TGFBR3: variants seen among roughly 807,000 people sequenced by gnomAD.
TGFBR3 encodes transforming growth factor beta receptor 3.
TGFBR3 carries 46 observed loss-of-function variants against 87.9 expected under a neutral mutation model. The ratio of observed to expected loss-of-function variants is 0.52; its 90% CI spans 0.41 to 0.67. The LOEUF (loss-of-function observed/expected upper bound fraction) is 0.67. TGFBR3 is among the 30% of genes least tolerant of loss of function. TGFBR3 has a pLI of 0.00. For missense variants in TGFBR3, 866 were observed against 1,041.9 expected, an observed-to-expected ratio of 0.83 and a Z score of 2.32; for synonymous variants, 381 against 391.6, an observed-to-expected ratio of 0.97 and a Z score of 0.32.
At chr1:91,889,873 G>T (rs1679410017), upstream of TGFBR3, among the ~76,000 whole-genome samples, 1 of 151,948 alleles carries the variant, frequency 6.6e-6, no homozygotes, top group Non-Finnish European at 1.5e-5. Flanking sequence ...TAGAGACAGG[G>T]TTTTGCCATA....
At chr1:91,902,988 G>A (rs1477990153) in intron 1 of TGFBR3, among the ~76,000 whole-genome samples, 1 of 148,028 alleles carries the variant, frequency 6.8e-6, no homozygotes, top group East Asian at 2.0e-4. Flanking sequence ...AAAAAGGAGT[G>A]ACTCCCAAGT....
intron 12 of TGFBR3, 115 bp downstream of exon 12, chr1:91,716,121 T>G (rs2029355): frequency 0.23 from 291,552 of 1,267,116 alleles, 35,747 homozygotes; most frequent in South Asian, 0.32. Context: ...ATCAGACCTG[T>G]TGAAGGTCTG....
upstream of TGFBR3, among the ~76,000 whole-genome samples, chr1:91,889,132 G>A (rs12073180): frequency 0.46 from 69,592 of 151,856 alleles, 16,214 homozygotes; most frequent in Non-Finnish European, 0.51. Context: ...TGATCCACCC[G>A]CCTTGGCCTC....
intron 3 of TGFBR3, among the ~76,000 whole-genome samples, chr1:91,774,651 C>T (rs1386351693): frequency 6.6e-6 from 1 of 152,192 alleles, no homozygotes; most frequent in Admixed American, 6.5e-5. Context: ...AACCCTACAT[C>T]ACTAGTCTGA....
At chr1:91,885,278 A>G (rs1679248883) in intron 1 of TGFBR3, among the ~76,000 whole-genome samples, 1 of 151,130 alleles carries the variant, frequency 6.6e-6, no homozygotes, top group Admixed American at 6.7e-5. Flanking sequence ...GTCTGCAAGC[A>G]GATTCTTCTA....
intron 2 of TGFBR3, among the ~76,000 whole-genome samples, chr1:91,803,520 C>A (rs1238961979): frequency 6.7e-6 from 1 of 150,354 alleles, no homozygotes; most frequent in South Asian, 2.1e-4. Flanking sequence ...CATGGAGCCA[C>A]GGGATCAGCT....
chr1:91,723,759 G>C (rs916771219), intron 7 of TGFBR3, among the ~76,000 whole-genome samples: 4 of 152,138 alleles, frequency 2.6e-5, no homozygotes, highest in Non-Finnish European at 5.9e-5. Flanking sequence ...AGCCCTTCCA[G>C]CATGCAGATT....
chr1:91,681,316 AG>A lies in TGFBR3; in HGVS notation c.*2422del. On this transcript the variant is annotated 3_prime_UTR_variant, in exon 17 of 17. Coordinates refer to ENST00000212355, the MANE Select transcript of TGFBR3 (RefSeq NM_003243.5). ...GACATTCACTCTCCAATATGAGATT[AG>A]GTTTTATCGACACAGATTTCTTGAT... 2.2e-6 allele frequency: 1 copy of A among 445,444 alleles called. No homozygotes were observed. Among genetic ancestry groups the A allele is most frequent in the Non-Finnish European group, 4.5e-6 (1 of 224,564 alleles). 27.6% of individuals were successfully genotyped at this position (445,444 alleles called of 1,614,324 possible).
At chr1:91,776,663 T>C (rs1674577157) in intron 3 of TGFBR3, among the ~76,000 whole-genome samples, 1 of 152,152 alleles carries the variant, frequency 6.6e-6, no homozygotes. Context: ...GTAGTGCCAT[T>C]ACCTCCTGCC....
At chr1:91,727,583 A>T in intron 7 of TGFBR3, 76 bp downstream of exon 7, 1 of 1,590,762 alleles carries the variant, frequency 6.3e-7, no homozygotes, top group Non-Finnish European at 8.6e-7. Context: ...GAACTTTAAA[A>T]ATAACACTTA....
chr1:91,889,130 C>T (rs1679393620), upstream of TGFBR3, among the ~76,000 whole-genome samples: 2 of 152,138 alleles, frequency 1.3e-5, no homozygotes, highest in African/African-American at 4.8e-5. Flanking sequence ...AGTGATCCAC[C>T]CGCCTTGGCC....
intron 2 of TGFBR3, among the ~76,000 whole-genome samples, chr1:91,836,240 T>A (rs1407627001): frequency 6.6e-6 from 1 of 151,910 alleles, no homozygotes; most frequent in Non-Finnish European, 1.5e-5. Flanking sequence ...AGAGCAAAAC[T>A]CCATCTCAAG....
intron 3 of TGFBR3, among the ~76,000 whole-genome samples, chr1:91,760,015 T>C (rs190519445): frequency 3.9e-5 from 6 of 152,366 alleles, no homozygotes; most frequent in Non-Finnish European, 5.9e-5. Context: ...TCTCAGGTCA[T>C]TGATAAATAA....
Position 91,683,326 on chromosome 1 carries a change from A to G in TGFBR3, c.*413T>C. 1 of 466,776 alleles carries G rather than the reference A, an allele frequency of 2.1e-6. No individual in the cohort carries two copies. The highest frequency in any genetic ancestry group is 4.2e-6 in the Non-Finnish European group (1 of 235,342). The allele number at this position is 466,776 out of a possible 1,614,324, so 28.9% of individuals were successfully genotyped here. ...AAAGAATCTTTGGCCGCATCTCCTC[A>G]CTGGTTCTACTATCTGGCTATTAAC... On this transcript the variant is annotated 3_prime_UTR_variant, in exon 17 of 17. Coordinates refer to ENST00000212355, the MANE Select transcript of TGFBR3 (RefSeq NM_003243.5).
At chr1:91,872,595 G>T (rs1169269456) in intron 1 of TGFBR3, among the ~76,000 whole-genome samples, 3 of 152,220 alleles carry the variant, frequency 2.0e-5, no homozygotes, top group East Asian at 3.9e-4. Context: ...CTCTGGAAGG[G>T]ACTGTGTAAC....
At chr1:91,825,325 A>T (rs1676594057) in intron 2 of TGFBR3, among the ~76,000 whole-genome samples, 1 of 152,388 alleles carries the variant, frequency 6.6e-6, no homozygotes, top group East Asian at 1.9e-4. Context: ...TGAAATACCA[A>T]ATACATGCTG....
intron 3 of TGFBR3, among the ~76,000 whole-genome samples, chr1:91,775,991 T>C (rs1398073433): frequency 1.3e-5 from 2 of 152,248 alleles, no homozygotes; most frequent in East Asian, 1.9e-4. Flanking sequence ...ATTGTTTGTA[T>C]AGAACAGAGC....
In TGFBR3 at chr1:91,716,248, G is replaced by T. The variant is rs1160630864; in HGVS notation, c.1854C>A (p.His618Gln). ...TTTCAGGTCTCACCTCAACATAAAC[G>T]TGTCCATTCTCTGGCACAGAGAAGA... ...QGVFSVPENG[H>Q]VYVEVSVTKA... The change falls in exon 12 of 17, where the codon CAC becomes CAA. Residue 618 changes from histidine (H) to glutamine (Q), a missense_variant. His to Gln is a conservative substitution (Grantham distance 24, BLOSUM62 0). Transcript: ENST00000212355. 6.2e-7 allele frequency: 1 copy of T among 1,613,880 alleles called. No homozygotes were observed. The highest frequency in any genetic ancestry group is 1.1e-5 in the South Asian group (1 of 91,072).
At chr1:91,692,444 G>C (rs1270800149) in intron 16 of TGFBR3, among the ~76,000 whole-genome samples, 1 of 152,050 alleles carries the variant, frequency 6.6e-6, no homozygotes, top group Non-Finnish European at 1.5e-5. Flanking sequence ...CTATTTGCAT[G>C]TACTACTTTG....
Sources: allele counts gnomAD v4.1 joint callset (sites outside exome capture counted in the v4.1 genomes callset), GRCh38; gene constraint gnomAD v4.1.1; transcripts MANE v1.5; gene names NCBI Gene and HGNC (gene_info 2026-07-23, HGNC 2026-07-21).